The following SLC25A42 variants were observed in gnomAD, a reference collection of about 807,000 sequenced individuals.
SLC25A42 encodes the protein solute carrier family 25 member 42.
SLC25A42 carries 19 observed loss-of-function variants against 34.7 expected under a neutral mutation model. The ratio of observed to expected loss-of-function variants is 0.55; its 90% CI spans 0.38 to 0.80. The LOEUF is 0.80. SLC25A42 is among the 30% of genes least tolerant of loss of function. The pLI is 0.00. For missense variants in SLC25A42, 364 were observed against 441.3 expected (o/e 0.82, Z 1.57); for synonymous variants, 205 against 191.2 (o/e 1.07, Z -0.59).
chr19:19,110,500 G>C, intron 7 of SLC25A42, 69 bp from the exon 8 acceptor site: 1 of 1,321,556 alleles, frequency 7.6e-7, no homozygotes, highest in South Asian at 1.8e-5. Flanking sequence ...GTGCAAAGGC[G>C]CGCGCACGGG....
In SLC25A42 at chr19:19,106,448, G is replaced by C. The variant is rs1269527184; in HGVS notation, c.497+63G>C. On this transcript the variant is annotated intron_variant, in intron 6 of 7. Transcript: ENST00000318596. ...GGCTCTGTGTCTCGGGGGCTCCCAGGTCGGAATCCCTCTCTCTATCGGGCC... is the reference window on the plus strand; with the variant it reads ...GGCTCTGTGTCTCGGGGGCTCCCAGCTCGGAATCCCTCTCTCTATCGGGCC... 3 of 1,389,080 alleles carry C rather than the reference G, an allele frequency of 2.2e-6. No individual in the cohort carries two copies. In the East Asian group the frequency reaches 7.3e-5, roughly 34 times the overall value. 86.0% of individuals were successfully genotyped at this position (1,389,080 alleles called of 1,614,324 possible).
At chr19:19,102,955 C>G (rs1223607116) in intron 3 of SLC25A42, among the ~76,000 whole-genome samples, 1 of 152,084 alleles carries the variant, frequency 6.6e-6, no homozygotes, top group Non-Finnish European at 1.5e-5. Flanking sequence ...GAGGATCCTT[C>G]CTTGCTTCTT....
intron 1 of SLC25A42, among the ~76,000 whole-genome samples, chr19:19,084,925 C>T (rs2059699535): frequency 7.1e-6 from 1 of 141,510 alleles, no homozygotes; most frequent in Non-Finnish European, 1.5e-5. Context: ...AGCGAGACCC[C>T]ATCTCAAAAA....
intron 1 of SLC25A42, among the ~76,000 whole-genome samples, chr19:19,078,310 G>C (rs11668958): frequency 6.6e-6 from 1 of 152,158 alleles, no homozygotes; most frequent in Non-Finnish European, 1.5e-5. Context: ...CTTGCATTCA[G>C]CATGAAGGTG....
chr19:19,080,847 G>C (rs764589169), intron 1 of SLC25A42, among the ~76,000 whole-genome samples: 1 of 149,300 alleles, frequency 6.7e-6, no homozygotes, highest in African/African-American at 2.5e-5. Context: ...TTGAGCCCAG[G>C]AGATCAAAGC....
intron 2 of SLC25A42, 49 bp downstream of exon 2, chr19:19,096,254 T>TGGGGCCCCCCCCCCCCCCCCCC: frequency 6.9e-7 from 1 of 1,456,706 alleles, no homozygotes. Context: ...GGCCCCAGCC[T>TGGGGCCCCCCCCCCCCCCCCCC]CCCCACCCCC....
At chr19:19,075,757 C>G (rs2059652661) in intron 1 of SLC25A42, among the ~76,000 whole-genome samples, 2 of 152,232 alleles carry the variant, frequency 1.3e-5, no homozygotes, top group African/African-American at 4.8e-5. Flanking sequence ...TTTGGCACCA[C>G]TGGCTGCCAG....
intron 1 of SLC25A42, among the ~76,000 whole-genome samples, chr19:19,087,244 A>G (rs1480683452): frequency 6.6e-6 from 1 of 151,696 alleles, no homozygotes; most frequent in Non-Finnish European, 1.5e-5. Context: ...TCGGTTATTC[A>G]TGTATCTTCT....
At position 19,107,954 on chromosome 19, in the gene SLC25A42, C is replaced by G; in HGVS notation, c.558C>G (p.Leu186=). ...CGAGAGAAGAGGGGCTGAAGACTCTCTACCATGGATTTATGCCCACCGTGC... is the reference window on the plus strand; with the variant it reads ...CGAGAGAAGAGGGGCTGAAGACTCTGTACCATGGATTTATGCCCACCGTGC... The part of the protein sequence containing the change: ...RISREEGLKT[L]YHGFMPTVLG... Residue 186 remains leucine (L), a synonymous_variant, in exon 7 of 8, where the codon CTC becomes CTG. Coordinates refer to ENST00000318596, the MANE Select transcript of SLC25A42 (RefSeq NM_178526.5). 6.2e-7 allele frequency: 1 copy of G among 1,614,054 alleles called. No individual in the cohort carries two copies. The highest frequency in any genetic ancestry group is 2.2e-5 in the East Asian group (1 of 44,860).
chr19:19,095,764 G>C (rs1008460271), intron 1 of SLC25A42, among the ~76,000 whole-genome samples: 1 of 152,192 alleles, frequency 6.6e-6, no homozygotes, highest in Non-Finnish European at 1.5e-5. Flanking sequence ...AGTGGTGTTG[G>C]CACTGAGCAC....
intron 3 of SLC25A42, among the ~76,000 whole-genome samples, chr19:19,102,103 G>C (rs1373579843): frequency 6.6e-6 from 1 of 151,946 alleles, no homozygotes; most frequent in Non-Finnish European, 1.5e-5. Context: ...CTGCCTCCCG[G>C]GTTCACGCCA....
At chr19:19,075,294 G>A (rs774271739) in intron 1 of SLC25A42, among the ~76,000 whole-genome samples, 5 of 152,276 alleles carry the variant, frequency 3.3e-5, no homozygotes, top group African/African-American at 9.6e-5. Context: ...CCAGGTTCAC[G>A]TTTCCTGAAT....
chr19:19,102,122 C>G (rs546059219), intron 3 of SLC25A42, among the ~76,000 whole-genome samples: 1 of 151,984 alleles, frequency 6.6e-6, no homozygotes, highest in Non-Finnish European at 1.5e-5. Flanking sequence ...CATTCTCCTG[C>G]CTCAGCCTCC....
chr19:19,071,954 A>T (rs2059632530), intron 1 of SLC25A42, among the ~76,000 whole-genome samples: 1 of 152,178 alleles, frequency 6.6e-6, no homozygotes, highest in South Asian at 2.1e-4. Flanking sequence ...TTCACATTGT[A>T]GGGAGATTAA....
intron 6 of SLC25A42, chr19:19,106,660 C>T (rs558651145): frequency 9.4e-4 from 187 of 199,022 alleles, no homozygotes; most frequent in Non-Finnish European, 1.3e-3. Flanking sequence ...CGGCCGGGCA[C>T]GGTGGCTCAC....
intron 5 of SLC25A42, 197 bp downstream of exon 5, chr19:19,105,924 G>C: frequency 1.7e-6 from 1 of 583,974 alleles, no homozygotes; most frequent in South Asian, 2.2e-5. Flanking sequence ...GCCCTATTCT[G>C]TCTTCAGAGC....
chr19:19,095,691 C>T (rs10410399), intron 1 of SLC25A42, among the ~76,000 whole-genome samples: 138,637 of 152,210 alleles, frequency 0.91, 63,356 homozygotes, highest in African/African-American at 0.98. Flanking sequence ...GCCCACTGGA[C>T]GTTTGGCCTG....
At chr19:19,067,830 A>G (rs2059610227) in intron 1 of SLC25A42, among the ~76,000 whole-genome samples, 1 of 151,898 alleles carries the variant, frequency 6.6e-6, no homozygotes, top group African/African-American at 2.4e-5. Flanking sequence ...GACTCTCTCC[A>G]ATTGTCCAAT....
chr19:19,066,809 G>A (rs769674762), intron 1 of SLC25A42, among the ~76,000 whole-genome samples: 4 of 152,130 alleles, frequency 2.6e-5, no homozygotes, highest in Admixed American at 6.5e-5. Context: ...GCATGCATCA[G>A]CATGTACTAA....
Sources: allele counts gnomAD v4.1 joint callset (sites outside exome capture counted in the v4.1 genomes callset), GRCh38; gene constraint gnomAD v4.1.1; transcripts MANE v1.5; gene names NCBI Gene and HGNC (gene_info 2026-07-23, HGNC 2026-07-21).